Variants in DNAH9 observed in about 807,000 individuals in gnomAD.
The protein encoded by DNAH9 is DNAH9 variant protein.
Under a neutral mutation model 471.6 loss-of-function variants are expected in DNAH9, and 345 were observed. The ratio of observed to expected loss-of-function variants is 0.73; its 90% CI spans 0.67 to 0.80. DNAH9 has a LOEUF of 0.80. Among genes scored for constraint, DNAH9 ranks in the 30% least tolerant of loss-of-function variants. The pLI, the probability that DNAH9 is intolerant of heterozygous loss-of-function variation, is 0.00. For synonymous variants in DNAH9, 2,093 were observed against 2,123.6 expected (o/e 0.99, Z 0.40); for missense variants, 5,407 against 5,609.2 (o/e 0.96, Z 1.15).
At position 11,886,880 on chromosome 17, in the gene DNAH9, G is replaced by A. The variant is rs1392644640; in HGVS notation, c.11027G>A (p.Arg3676Gln). 4 of 1,612,944 alleles carry A rather than the reference G, an allele frequency of 2.5e-6. No homozygotes were observed. The highest frequency in any genetic ancestry group is 1.3e-5 in the African/African-American group (1 of 74,996). ...ATCAACGAGGCCCGAGAGCACTACC[G>A]GCCAGCAGCTGCCAGGGCCTCACTG... Reference protein sequence around the residue: ...VKINEAREHYRPAAARASLLY... With the variant: ...VKINEAREHYQPAAARASLLY... The change falls in exon 57 of 69, where the codon CGG (arginine) becomes CAG (glutamine). Residue 3676 changes from arginine (R) to glutamine (Q), a missense_variant. By Grantham distance (43) the Arg-to-Gln change is conservative. Transcript: ENST00000262442.
At chr17:11,654,000 C>T (rs911081794) in intron 14 of DNAH9, among the ~76,000 whole-genome samples, 8 of 151,972 alleles carry the variant, frequency 5.3e-5, no homozygotes, top group Non-Finnish European at 8.8e-5. Context: ...ATATAGTCCC[C>T]GCTTTGAGGT....
At chr17:11,631,565 C>T (rs951480391) in intron 7 of DNAH9, among the ~76,000 whole-genome samples, 1 of 150,778 alleles carries the variant, frequency 6.6e-6, no homozygotes, top group Admixed American at 6.6e-5. Context: ...GGCTTGAACC[C>T]GGGAGGCAGA....
rs1478313454 is a variant in DNAH9 at position 11,777,931 on chromosome 17, GGAT to G, written c.7553-3076_7553-3074del. On this transcript the variant is annotated intron_variant, in intron 38 of 68. Coordinates refer to ENST00000262442, the MANE Select transcript of DNAH9 (RefSeq NM_001372.4). ...AAATATAGTATAATGAAATTGAAGG[GGAT>G]GGATGGGGTAATACACAAGATAATA... Among the ~76,000 whole-genome samples, 3 of 152,078 alleles carry G rather than the reference GGAT, an allele frequency of 2.0e-5. No homozygotes were observed. The South Asian group carries it at 6.2e-4, about 31-fold the overall frequency.
rs147183329 is a variant in DNAH9, at chr17:11,690,426, A to G, written c.4604A>G (p.Gln1535Arg). 1.5e-4 allele frequency: 248 copies of G among 1,613,238 alleles called. 2 individuals are homozygous for G. In the East Asian group the frequency reaches 3.5e-3, roughly 23 times the overall value. Residue 1535 changes from glutamine (Q) to arginine (R), a missense_variant, in exon 20 of 69, where the codon CAG becomes CGG. Around this residue, in one of 3 missense-constraint regions of DNAH9, gnomAD observed 4,636 missense variants for 4,900.3 expected, o/e 0.95. Coordinates refer to ENST00000262442, the MANE Select transcript of DNAH9 (RefSeq NM_001372.4). ...ACTGGATCTGAAGATATTCGGGCAC[A>G]GCTACCCCAGGTACCTGCTAAGGAA... ...IFTGSEDIRAQLPQDSKRFEG... is the reference protein window; with the variant it reads ...IFTGSEDIRARLPQDSKRFEG...
intron 48 of DNAH9, among the ~76,000 whole-genome samples, chr17:11,834,324 G>A (rs113797912): frequency 3.0e-4 from 10 of 33,146 alleles, no homozygotes; most frequent in Admixed American, 6.7e-4. Context: ...GTGAGACTCC[G>A]TCTCAAAAAA....
intron 26 of DNAH9, among the ~76,000 whole-genome samples, chr17:11,712,404 CTT>C (rs140776230): frequency 0.025 from 3,774 of 151,654 alleles, 153 homozygotes; most frequent in African/African-American, 0.085. Context: ...GTGTACAAGT[CTT>C]TGTGTGGACA....
At chr17:11,776,940 T>C (rs1334414317) in intron 38 of DNAH9, among the ~76,000 whole-genome samples, 1 of 152,220 alleles carries the variant, frequency 6.6e-6, no homozygotes, top group Non-Finnish European at 1.5e-5. Context: ...GCTGTACTGC[T>C]TTCATTCCCT....
At chr17:11,957,099 A>G (rs1975682161) in intron 67 of DNAH9, among the ~76,000 whole-genome samples, 1 of 152,148 alleles carries the variant, frequency 6.6e-6, no homozygotes, top group Admixed American at 6.5e-5. Flanking sequence ...CATAAATCCT[A>G]TAGACATTAA....
At chr17:11,712,099 T>TTA in intron 26 of DNAH9, among the ~76,000 whole-genome samples, 1 of 113,932 alleles carries the variant, frequency 8.8e-6, no homozygotes, top group East Asian at 2.3e-4. Context: ...TATATATTTA[T>TTA]ATATAAATAT....
At chr17:11,645,404 G>A (rs769436420) in intron 11 of DNAH9, among the ~76,000 whole-genome samples, 2 of 152,114 alleles carry the variant, frequency 1.3e-5, no homozygotes, top group Non-Finnish European at 2.9e-5. Context: ...GTCTTCACAA[G>A]AGACTGGAAC....
chr17:11,936,088 T>C (rs983904172), intron 65 of DNAH9, among the ~76,000 whole-genome samples: 1 of 152,182 alleles, frequency 6.6e-6, no homozygotes, highest in Non-Finnish European at 1.5e-5. Context: ...ATGACTGAGG[T>C]ACACTCTCTT....
At chr17:11,622,105 G>A (rs1031861203) in intron 6 of DNAH9, among the ~76,000 whole-genome samples, 3 of 148,068 alleles carry the variant, frequency 2.0e-5, no homozygotes. Flanking sequence ...AAAAAAGTGA[G>A]ATTGATGTGT....
chr17:11,930,051 C>T lies in DNAH9; in HGVS notation c.12063C>T (p.Gly4021=), dbSNP rs1053604394. The T allele has an allele frequency of 3.1e-6, 5 of 1,614,172 alleles. No homozygotes were observed. Among genetic ancestry groups the T allele is most frequent in the Non-Finnish European group, 3.4e-6 (4 of 1,180,034 alleles). ...AGATCACCAATGAGCCCCCCACGGGCATGCATGCCAACCTGCACAAGGCCC... is the reference window on the plus strand; with the variant it reads ...AGATCACCAATGAGCCCCCCACGGGTATGCATGCCAACCTGCACAAGGCCC... The part of the protein sequence containing the change: ...SIKITNEPPT[G]MHANLHKALD... The change falls in exon 63 of 69, where the codon GGC becomes GGT. Residue 4021 remains glycine, a synonymous_variant. Coordinates refer to ENST00000262442, the MANE Select transcript of DNAH9 (RefSeq NM_001372.4).
In DNAH9 at chr17:11,819,679, A is replaced by C. The variant is rs1036550452; in HGVS notation, c.8708-2241A>C. 7.9e-5 allele frequency among the ~76,000 whole-genome samples: 12 copies of C among 152,286 alleles called. No homozygotes were observed. The East Asian group carries it at 9.6e-4, about 12-fold the overall frequency. On this transcript the variant is annotated intron_variant, in intron 45 of 68. Transcript: ENST00000262442. ...CTGATTTTTAATATCAATTTCCTAA[A>C]ATTTTTATGGAAAAGCAAAGAATGA... is the stretch of plus-strand genomic sequence containing the variant.
Position 11,874,380 on chromosome 17 carries a change from C to T in DNAH9, c.10243-569C>T, listed in dbSNP as rs749188517. Among the ~76,000 whole-genome samples the T allele has an allele frequency of 1.6e-4, 25 of 152,292 alleles. 1 individual carries two copies. In the East Asian group the frequency reaches 4.6e-3, roughly 28 times the overall value. ...AGTTCTCAGACTGATAAATACTCGG[C>T]AGCTTCCCCACAGGCACCAGCAGGC... On this transcript the variant is annotated intron_variant, in intron 52 of 68. Coordinates refer to ENST00000262442, the MANE Select transcript of DNAH9 (RefSeq NM_001372.4).
At chr17:11,930,158 G>GC in intron 63 of DNAH9, 65 bp downstream of exon 63, 1 of 1,389,700 alleles carries the variant, frequency 7.2e-7, no homozygotes, top group African/African-American at 1.4e-5. Context: ...CAAACTGGTG[G>GC]GGGGAGAGCA....
chr17:11,619,964 A>G (rs2072821263), intron 6 of DNAH9, 183 bp downstream of exon 6: 2 of 579,030 alleles, frequency 3.5e-6, no homozygotes, highest in Non-Finnish European at 6.1e-6. Flanking sequence ...TCCCACTAGC[A>G]CTTTGGGAGG....
Position 11,623,253 on chromosome 17 carries a change from T to C in DNAH9, c.1350+3472T>C, listed in dbSNP as rs559261893. ...CCTCCCAAAGTGCTGGGATTACAGG[T>C]GTGAGCCACCGTGCCCGGCCAGCAT... On this transcript the variant is annotated intron_variant, in intron 6 of 68. Transcript: ENST00000262442. This position sits in a 1 kb window ranked among gnomAD's most constrained non-coding sequence, Gnocchi z 4.1. Among the ~76,000 whole-genome samples the C allele has an allele frequency of 1.3e-5, 2 of 152,116 alleles. No homozygotes were observed. The highest frequency in any genetic ancestry group is 4.1e-4 in the South Asian group (2 of 4,820).
intron 26 of DNAH9, among the ~76,000 whole-genome samples, chr17:11,711,989 T>C (rs193002107): frequency 1.2e-4 from 2 of 16,464 alleles, no homozygotes; most frequent in Non-Finnish European, 2.7e-4. Context: ...TATTTATATA[T>C]AAATATATAT....
Sources: allele counts gnomAD v4.1 joint callset (sites outside exome capture counted in the v4.1 genomes callset), GRCh38; gene constraint gnomAD v4.1.1; regional missense constraint gnomAD v4.1.1; non-coding constraint Gnocchi (gnomAD v3.1); transcripts MANE v1.5; gene names NCBI Gene and HGNC (gene_info 2026-07-23, HGNC 2026-07-21).